The following LOXL4 variants were observed in gnomAD, a reference collection of about 807,000 sequenced individuals.
LOXL4 encodes lysyl oxidase homolog 4.
A neutral mutation model predicts 89.1 loss-of-function variants in LOXL4; 72 were observed. The observed-to-expected ratio is 0.81, with a 90% CI of 0.67 to 0.98. LOXL4 has a LOEUF of 0.98. Among genes scored for constraint, LOXL4 ranks in the 50% least tolerant of loss-of-function variants. The pLI is 0.00. For missense variants in LOXL4, 984 were observed against 1,017.5 expected, an observed-to-expected ratio of 0.97 and a Z score of 0.45; for synonymous variants, 355 against 392.1, an observed-to-expected ratio of 0.91 and a Z score of 1.12.
At chr10:98,262,694 G>A in intron 2 of LOXL4, 49 bp downstream of exon 2, 1 of 1,581,722 alleles carries the variant, frequency 6.3e-7, no homozygotes, top group Middle Eastern at 1.9e-4. Flanking sequence ...AGCCCAAGAA[G>A]ACTGTTACCA....
At position 98,262,796 on chromosome 10, in the gene LOXL4, C is replaced by G; in HGVS notation, c.224G>C (p.Gly75Ala). The change falls in exon 2 of 15, where the codon GGC (glycine) becomes GCC (alanine). Residue 75 changes from glycine (G) to alanine (A), a missense_variant. Coordinates refer to ENST00000260702, the MANE Select transcript of LOXL4 (RefSeq NM_032211.7). Reference protein sequence around the residue: ...QEATVACRQLGFEAALTWAHS... With the variant: ...QEATVACRQLAFEAALTWAHS... ...GGCCCAGGTCAAGGCAGCTTCGAAG[C>G]CCAGCTGGCGGCAAGCCACTGTGGC... 1 of 1,613,450 alleles carries G rather than the reference C, an allele frequency of 6.2e-7. No individual in the cohort carries two copies. Among genetic ancestry groups the G allele is most frequent in the Non-Finnish European group, 8.5e-7 (1 of 1,180,044 alleles).
chr10:98,256,084 CCAGA>C, intron 9 of LOXL4: 1 of 236,604 alleles, frequency 4.2e-6, no homozygotes, highest in Non-Finnish European at 8.2e-6. Context: ...CTCAAGCGGC[CCAGA>C]TCGTCAGTTG....
chr10:98,255,684 A>T lies in LOXL4; in HGVS notation c.1484T>A (p.Val495Glu). The T allele has an allele frequency of 6.2e-7, 1 of 1,613,564 alleles. No individual in the cohort carries two copies. Among genetic ancestry groups the T allele is most frequent in the Non-Finnish European group, 8.5e-7 (1 of 1,179,598 alleles). Residue 495 changes from valine to glutamate, a missense_variant, in exon 10 of 15, where the codon GTG (valine) becomes GAG (glutamate). Transcript: ENST00000260702. ...GGCCAGCTCTGTGCCTGAGCAGCGC[A>T]CCCCACTCATCACCACCTCCTGGGC... is the stretch of plus-strand genomic sequence containing the variant. ...PRAQEVVMSG[V>E]RCSGTELALQ...
rs762271467 is a variant in LOXL4 at position 98,252,458 on chromosome 10, T to C, written c.1846A>G (p.Ser616Gly). 6.2e-7 allele frequency: 1 copy of C among 1,612,518 alleles called. No homozygotes were observed. The highest frequency in any genetic ancestry group is 8.5e-7 in the Non-Finnish European group (1 of 1,178,636). The change falls in exon 12 of 15, where the codon AGC (serine) becomes GGC (glycine). Residue 616 changes from serine (S) to glycine (G), a missense_variant. Transcript: ENST00000260702. ...TCGTAGTGGGTGAAGACCTCAATGCTGTGGTAATGCCTGCAGAAGGGGTAG... is the reference window on the plus strand; with the variant it reads ...TCGTAGTGGGTGAAGACCTCAATGCCGTGGTAATGCCTGCAGAAGGGGTAG... ...VWHQCHRHYH[S>G]IEVFTHYDLL...
intron 14 of LOXL4, among the ~76,000 whole-genome samples, chr10:98,250,627 A>G (rs987101027): frequency 2.0e-5 from 3 of 152,108 alleles, no homozygotes; most frequent in Admixed American, 6.5e-5. Context: ...TCTGTTTTCC[A>G]TGGTCCCCTT....
rs902025749 is a variant in LOXL4, at chr10:98,253,605, C to T, written c.1783G>A (p.Asp595Asn). ...TCGCGTCCAGTCTTTGGACGAAAGT[C>T]AGTCCGGCCCAGATTGTAGATCTGT... ...STQIYNLGRT[D>N]FRPKTGRDSW... The change falls in exon 11 of 15, where the codon GAC becomes AAC. Residue 595 changes from aspartate to asparagine, a missense_variant. Physicochemically the swap from Asp to Asn is conservative, Grantham distance 23. Transcript: ENST00000260702. 1.2e-6 allele frequency: 2 copies of T among 1,614,124 alleles called. No individual in the cohort carries two copies. The highest frequency in any genetic ancestry group is 8.5e-7 in the Non-Finnish European group (1 of 1,180,040).
intron 4 of LOXL4, among the ~76,000 whole-genome samples, chr10:98,260,267 G>A (rs2135839921): frequency 6.6e-6 from 1 of 152,268 alleles, no homozygotes; most frequent in South Asian, 2.1e-4. Flanking sequence ...GGAAATTCAG[G>A]AGGGAAGCGT....
chr10:98,255,717 G>A lies in LOXL4; in HGVS notation c.1451C>T (p.Thr484Met), dbSNP rs149208138. Residue 484 changes from threonine to methionine, a missense_variant, in exon 10 of 15, where the codon ACG becomes ATG. Thr to Met is a moderately conservative substitution (Grantham distance 81). Transcript: ENST00000260702. ...AYKETWFWSGTPRAQEVVMSG... is the reference protein window; with the variant it reads ...AYKETWFWSGMPRAQEVVMSG... ...CATCACCACCTCCTGGGCCCTTGGC[G>A]TCCCCGACCAGAACCAGGTTTCCTA... The A allele has an allele frequency of 1.1e-3, 1,812 of 1,611,742 alleles. 8 individuals are homozygous for A. The highest frequency in any genetic ancestry group is 4.3e-3 in the Middle Eastern group (26 of 6,052).
At position 98,251,558 on chromosome 10, in the gene LOXL4, C is replaced by T. The variant is rs762757332; in HGVS notation, c.2088+8G>A. The T allele has an allele frequency of 1.3e-4, 202 of 1,613,564 alleles. No homozygotes were observed. Among genetic ancestry groups the T allele is most frequent in the Admixed American group, 4.3e-4 (26 of 59,942 alleles). On this transcript the variant is annotated splice_region_variant and intron_variant, in intron 13 of 14. Transcript: ENST00000260702. ...CAGGCTCTGTGGGGAATCCCCCAGC[C>T]GCCTTACCTGGAAGATATAATTCCC...
chr10:98,268,094 A>C (rs1009757067), intron 1 of LOXL4, 38 bp downstream of exon 1: 1 of 153,144 alleles, frequency 6.5e-6, no homozygotes, highest in Non-Finnish European at 1.5e-5. Context: ...AGCAAGAGGC[A>C]GACCAAGAGG....
chr10:98,250,283 T>C (rs1858149651), intron 14 of LOXL4, among the ~76,000 whole-genome samples: 1 of 152,228 alleles, frequency 6.6e-6, no homozygotes, highest in Non-Finnish European at 1.5e-5. Context: ...GGTTGCTTTC[T>C]GTCTGTGCTT....
chr10:98,262,430 T>TTCCTAGA (rs1858571054), intron 2 of LOXL4, among the ~76,000 whole-genome samples: 1 of 152,222 alleles, frequency 6.6e-6, no homozygotes, highest in Non-Finnish European at 1.5e-5. Flanking sequence ...TTTTGGAAAA[T>TTCCTAGA]GCCGGGTAGC....
At chr10:98,266,809 C>A (rs1024606972) in intron 1 of LOXL4, among the ~76,000 whole-genome samples, 3 of 152,186 alleles carry the variant, frequency 2.0e-5, no homozygotes, top group African/African-American at 7.2e-5. Context: ...AAATGCCACC[C>A]CCTCCATTAA....
At chr10:98,266,399 T>C (rs1858690472) in intron 1 of LOXL4, among the ~76,000 whole-genome samples, 1 of 152,110 alleles carries the variant, frequency 6.6e-6, no homozygotes, top group Non-Finnish European at 1.5e-5. Flanking sequence ...GGGCCCAGGG[T>C]AGGCTGGGCA....
At chr10:98,251,947 T>A (rs914118020) in intron 12 of LOXL4, 1 of 548,078 alleles carries the variant, frequency 1.8e-6, no homozygotes, top group African/African-American at 1.9e-5. Context: ...AACGCTCCCG[T>A]GCTAATTTAC....
At position 98,255,568 on chromosome 10, in the gene LOXL4, G is replaced by T. The variant is rs749868225; in HGVS notation, c.1591+9C>A. The T allele has an allele frequency of 1.9e-6, 3 of 1,595,358 alleles. No homozygotes were observed. The highest frequency in any genetic ancestry group is 2.6e-6 in the Non-Finnish European group (3 of 1,164,994). On this transcript the variant is annotated intron_variant, in intron 10 of 14. Coordinates refer to ENST00000260702, the MANE Select transcript of LOXL4 (RefSeq NM_032211.7). Reference sequence around the variant, plus strand: ...CTGTCCCCAGCCCTGTGAGCCCTCCGTCACTCACTGTCCATGCAGGAGACT... The same window carrying T: ...CTGTCCCCAGCCCTGTGAGCCCTCCTTCACTCACTGTCCATGCAGGAGACT...
intron 4 of LOXL4, 34 bp downstream of exon 4, chr10:98,260,888 C>G (rs1858515269): frequency 9.6e-6 from 15 of 1,569,972 alleles, no homozygotes; most frequent in Non-Finnish European, 1.3e-5. Context: ...CACAACCCTG[C>G]CTCCTGTGGG....
rs1222384250 is a variant in LOXL4 at position 98,253,543 on chromosome 10, A to G, written c.1835+10T>C. 6.2e-7 allele frequency: 1 copy of G among 1,614,234 alleles called. No homozygotes were observed. The highest frequency in any genetic ancestry group is 1.7e-5 in the Admixed American group (1 of 60,034). On this transcript the variant is annotated intron_variant, in intron 11 of 14. Coordinates refer to ENST00000260702, the MANE Select transcript of LOXL4 (RefSeq NM_032211.7). Reference sequence around the variant, plus strand: ...AACCCTCTAGTGCCAATGCATGGGCAGGCTCTAACCTGTGGCACTGGTGCC... The same window carrying G: ...AACCCTCTAGTGCCAATGCATGGGCGGGCTCTAACCTGTGGCACTGGTGCC...
At chr10:98,253,412 C>T in intron 11 of LOXL4, 141 bp downstream of exon 11, 2 of 1,185,968 alleles carry the variant, frequency 1.7e-6, no homozygotes, top group Non-Finnish European at 2.4e-6. Context: ...GTCCTCACTG[C>T]CTCCTGCAGG....
Sources: gnomAD v4.1 joint callset for allele counts (sites outside exome capture counted in the v4.1 genomes callset) on GRCh38, gnomAD v4.1.1 for gene constraint, MANE v1.5 for transcripts, NCBI Gene and HGNC (gene_info 2026-07-23, HGNC 2026-07-21) for gene names.